Variants in PPM1H observed in about 807,000 individuals in gnomAD.
PPM1H encodes the protein protein phosphatase 1H.
PPM1H carries 27 observed loss-of-function variants against 54.9 expected under a neutral mutation model. The observed-to-expected ratio is 0.49, with a 90% CI of 0.36 to 0.68. PPM1H has a LOEUF of 0.68. PPM1H is among the 30% of genes least tolerant of loss of function. The pLI is 0.00. For synonymous variants in PPM1H, 305 were observed against 270.8 expected, an observed-to-expected ratio of 1.13 and a Z score of -1.24; for missense variants, 596 against 667.8, an observed-to-expected ratio of 0.89 and a Z score of 1.19.
rs1443934096 is a variant in PPM1H at position 62,831,802 on chromosome 12, CACAT to C, written c.411+308_411+311del. 5.1e-5 allele frequency among the ~76,000 whole-genome samples: 7 copies of C among 137,780 alleles called. No individual in the cohort carries two copies. The South Asian group carries it at 7.1e-4, about 14-fold the overall frequency. 90.4% of individuals were successfully genotyped at this position (137,780 alleles called of 152,430 possible). On this transcript the variant is annotated intron_variant, in intron 2 of 9. Transcript: ENST00000228705. The stretch of plus-strand genomic sequence containing the variant: ...ATATATATACGTATACACACACACA[CACAT>C]ATATATGTGTATATATATATATGCA...
intron 5 of PPM1H, among the ~76,000 whole-genome samples, chr12:62,734,487 T>C (rs557507364): frequency 6.6e-6 from 1 of 152,180 alleles, no homozygotes; most frequent in South Asian, 2.1e-4. Context: ...CTGAAGTTCC[T>C]TGTGGAAATT....
At chr12:62,908,804 C>T (rs901933263) in intron 1 of PPM1H, among the ~76,000 whole-genome samples, 1 of 152,348 alleles carries the variant, frequency 6.6e-6, no homozygotes, top group African/African-American at 2.4e-5. Context: ...CTATGGACCA[C>T]GTTTTCTCAA....
intron 9 of PPM1H, among the ~76,000 whole-genome samples, chr12:62,665,516 C>T (rs2075912937): frequency 1.3e-5 from 2 of 152,162 alleles, no homozygotes; most frequent in Admixed American, 6.5e-5. Flanking sequence ...CTCTTAATCT[C>T]ATTTCACATT....
At chr12:62,859,101 A>G (rs563602548) in intron 1 of PPM1H, among the ~76,000 whole-genome samples, 2 of 152,360 alleles carry the variant, frequency 1.3e-5, no homozygotes, top group East Asian at 1.9e-4. Flanking sequence ...TTCTATAACC[A>G]TATACATTGA....
chr12:62,913,136 T>C (rs1457135486), intron 1 of PPM1H, among the ~76,000 whole-genome samples: 3 of 152,018 alleles, frequency 2.0e-5, no homozygotes, highest in Non-Finnish European at 4.4e-5. Flanking sequence ...ATGGATAAAA[T>C]TGTTAATGAA....
At position 62,830,476 on chromosome 12, in the gene PPM1H, C is replaced by T. The variant is rs187191772; in HGVS notation, c.411+1638G>A. 3.2e-4 allele frequency among the ~76,000 whole-genome samples: 48 copies of T among 152,170 alleles called. 1 individual carries two copies. The highest frequency in any genetic ancestry group is 9.4e-4 in the African/African-American group (39 of 41,528). ...GTCACTGTGTTAGCCAGGATGGTCT[C>T]GATCTCCTGACCTCGTGATCTGCCC... On this transcript the variant is annotated intron_variant, in intron 2 of 9. Transcript: ENST00000228705.
chr12:62,836,239 TG>T (rs1209295139), intron 1 of PPM1H, among the ~76,000 whole-genome samples: 1 of 152,252 alleles, frequency 6.6e-6, no homozygotes, highest in African/African-American at 2.4e-5. Flanking sequence ...AGTATTTTTC[TG>T]GAAATTAAAC....
intron 1 of PPM1H, among the ~76,000 whole-genome samples, chr12:62,866,830 C>T (rs1175461453): frequency 1.3e-5 from 2 of 152,006 alleles, no homozygotes; most frequent in Non-Finnish European, 2.9e-5. Context: ...CAGCACTGTT[C>T]CCCTTTCTCC....
intron 1 of PPM1H, among the ~76,000 whole-genome samples, chr12:62,894,883 A>C (rs1390625382): frequency 6.6e-6 from 1 of 152,242 alleles, no homozygotes; most frequent in African/African-American, 2.4e-5. Context: ...CCTACCAAAT[A>C]ATACGATTGC....
intron 1 of PPM1H, among the ~76,000 whole-genome samples, chr12:62,845,326 T>C (rs1565807464): frequency 6.6e-6 from 1 of 152,244 alleles, no homozygotes; most frequent in African/African-American, 2.4e-5. Context: ...CTGCATGGAA[T>C]GGGAAGTTCC....
At chr12:62,838,645 G>T (rs1268039674) in intron 1 of PPM1H, among the ~76,000 whole-genome samples, 1 of 144,446 alleles carries the variant, frequency 6.9e-6, no homozygotes, top group Non-Finnish European at 1.5e-5. Flanking sequence ...TCTCTGGCCG[G>T]GCGCGGTGGC....
At chr12:62,919,598 A>G (rs13377803) in intron 1 of PPM1H, among the ~76,000 whole-genome samples, 23,911 of 152,118 alleles carry the variant, frequency 0.16, 2,137 homozygotes, top group East Asian at 0.27. Context: ...TTTTTAATAG[A>G]AGTAATTTAA....
intron 1 of PPM1H, among the ~76,000 whole-genome samples, chr12:62,897,380 T>C (rs1433330679): frequency 6.6e-6 from 1 of 152,136 alleles, no homozygotes; most frequent in African/African-American, 2.4e-5. Context: ...GCAAGCAGTA[T>C]CTGTGGGACT....
At chr12:62,811,947 T>G (rs11174668) in intron 2 of PPM1H, among the ~76,000 whole-genome samples, 9,973 of 152,304 alleles carry the variant, frequency 0.065, 441 homozygotes, top group Middle Eastern at 0.12. Context: ...ACAATAAAAT[T>G]GTTGTCACTC....
intron 1 of PPM1H, among the ~76,000 whole-genome samples, chr12:62,858,508 T>C (rs189360970): frequency 1.0e-3 from 153 of 152,332 alleles, no homozygotes; most frequent in Middle Eastern, 6.8e-3. Context: ...AAAGTTTGCT[T>C]TTCAGAAACC....
At chr12:62,803,489 T>C (rs1466472005) in intron 2 of PPM1H, among the ~76,000 whole-genome samples, 1 of 151,982 alleles carries the variant, frequency 6.6e-6, no homozygotes, top group African/African-American at 2.4e-5. Context: ...AAAGTGAATA[T>C]CCACATGCAA....
chr12:62,770,628 T>C (rs1036630687), intron 4 of PPM1H, among the ~76,000 whole-genome samples: 1 of 152,118 alleles, frequency 6.6e-6, no homozygotes, highest in Non-Finnish European at 1.5e-5. Context: ...GAAATGCTGG[T>C]GGCAATGATG....
At chr12:62,890,158 A>G (rs1870732979) in intron 1 of PPM1H, among the ~76,000 whole-genome samples, 1 of 152,250 alleles carries the variant, frequency 6.6e-6, no homozygotes, top group Non-Finnish European at 1.5e-5. Context: ...GCAAATAAAC[A>G]TATTAAAAAG....
intron 1 of PPM1H, among the ~76,000 whole-genome samples, chr12:62,900,818 G>A (rs117303995): frequency 0.015 from 2,218 of 152,254 alleles, 22 homozygotes; most frequent in Non-Finnish European, 0.022. Flanking sequence ...CCCGGTGTCT[G>A]GTTTCAAGGC....
Sources: allele counts gnomAD v4.1 joint callset (sites outside exome capture counted in the v4.1 genomes callset), GRCh38; gene constraint gnomAD v4.1.1; transcripts MANE v1.5; gene names NCBI Gene and HGNC (gene_info 2026-07-23, HGNC 2026-07-21).